The following BCAS1 variants were observed in gnomAD, a reference collection of about 807,000 sequenced individuals.
BCAS1 encodes brain enriched myelin associated protein 1, also known as breast carcinoma-amplified sequence 1.
In BCAS1, 46 loss-of-function variants were observed where a neutral mutation model predicts 65.4. That is an observed-to-expected ratio of 0.70 (90% CI 0.55 to 0.90). BCAS1 has a LOEUF of 0.90. Among genes scored for constraint, BCAS1 ranks in the 40% least tolerant of loss-of-function variants. The pLI is 0.00. For missense variants in BCAS1, 793 were observed against 771.2 expected, an observed-to-expected ratio of 1.03 and a Z score of -0.33; for synonymous variants, 298 against 293.5, an observed-to-expected ratio of 1.02 and a Z score of -0.16.
At chr20:54,065,372 G>A (rs750252446) in intron 1 of BCAS1, among the ~76,000 whole-genome samples, 17 of 152,160 alleles carry the variant, frequency 1.1e-4, no homozygotes, top group Admixed American at 5.2e-4. Flanking sequence ...CTCACAATAA[G>A]TGGAGCACAG....
At chr20:53,966,724 C>T (rs2090038983) in intron 10 of BCAS1, among the ~76,000 whole-genome samples, 182 bp downstream of exon 10, 1 of 152,190 alleles carries the variant, frequency 6.6e-6, no homozygotes, top group African/African-American at 2.4e-5. Context: ...TAAACTGAGA[C>T]TTTCTGTATG....
intron 4 of BCAS1, among the ~76,000 whole-genome samples, chr20:54,011,426 C>A (rs1010843317): frequency 2.6e-5 from 4 of 151,992 alleles, no homozygotes; most frequent in African/African-American, 9.7e-5. Flanking sequence ...AGAAAATGGG[C>A]AAAAGACGTG....
chr20:54,047,919 C>T (rs1414473959), intron 3 of BCAS1, among the ~76,000 whole-genome samples: 1 of 152,154 alleles, frequency 6.6e-6, no homozygotes, highest in Non-Finnish European at 1.5e-5. Context: ...AGGGAAGTTA[C>T]AAAGTTATTT....
Position 53,985,354 on chromosome 20 carries a change from G to A in BCAS1, c.1208C>T (p.Ala403Val), listed in dbSNP as rs145843325. ...HTQSVTTPEP[A>V]KEGTKEKSGP... ...TGATTTCTCCTTGGTGCCTTCCTTC[G>A]CAGGTTCAGGGGTTGTCACGGACTG... Residue 403 changes from alanine (A) to valine (V), a missense_variant, in exon 8 of 13, where the codon GCG becomes GTG. Coordinates refer to ENST00000688948, the MANE Select transcript of BCAS1 (RefSeq NM_001366298.2). 576 of 1,613,998 alleles carry A rather than the reference G, an allele frequency of 3.6e-4. 4 individuals are homozygous for A. The South Asian group carries it at 4.5e-3, about 13-fold the overall frequency.
chr20:54,062,180 C>T (rs1159322160), intron 1 of BCAS1, among the ~76,000 whole-genome samples: 1 of 152,114 alleles, frequency 6.6e-6, no homozygotes, highest in African/African-American at 2.4e-5. Flanking sequence ...TGGCTCTTTA[C>T]AGAAAGTTTA....
At chr20:54,018,494 G>A (rs1056914892) in intron 4 of BCAS1, among the ~76,000 whole-genome samples, 6 of 148,630 alleles carry the variant, frequency 4.0e-5, no homozygotes, top group Non-Finnish European at 7.4e-5. Context: ...CCGCCACCAC[G>A]CCTGGCTAAT....
chr20:54,015,838 C>G (rs900772042), intron 4 of BCAS1, among the ~76,000 whole-genome samples: 1 of 152,052 alleles, frequency 6.6e-6, no homozygotes, highest in African/African-American at 2.4e-5. Context: ...GAGGAGGAAT[C>G]GAGAAATTAC....
At chr20:54,016,042 T>C (rs2091430997) in intron 4 of BCAS1, among the ~76,000 whole-genome samples, 1 of 152,246 alleles carries the variant, frequency 6.6e-6, no homozygotes, top group South Asian at 2.1e-4. Flanking sequence ...GACAGAGCTA[T>C]GGCACAGGAA....
At position 53,944,659 on chromosome 20, in the gene BCAS1, C is replaced by A; in HGVS notation, c.*263G>T. On this transcript the variant is annotated 3_prime_UTR_variant, in exon 13 of 13. Transcript: ENST00000688948. ...CCGAACACATTCCTCTATTCCCTCCCTTTCCTGCTTGGTGATCATCGACTC... is the reference window on the plus strand; with the variant it reads ...CCGAACACATTCCTCTATTCCCTCCATTTCCTGCTTGGTGATCATCGACTC... 2.3e-6 allele frequency: 1 copy of A among 440,426 alleles called. No individual in the cohort carries two copies. 27.3% of individuals were successfully genotyped at this position (440,426 alleles called of 1,614,324 possible). A position where few individuals can be genotyped will look rare whatever the true frequency, so the allele number is the denominator to read the frequency against.
intron 4 of BCAS1, among the ~76,000 whole-genome samples, chr20:54,003,226 CAA>C (rs36065746): frequency 0.33 from 32,141 of 98,640 alleles, 3,050 homozygotes; most frequent in Middle Eastern, 0.5. Flanking sequence ...GCCAAACAGA[CAA>C]AAAAAAAAAA....
At chr20:53,948,028 A>G (rs1201912464) in intron 12 of BCAS1, among the ~76,000 whole-genome samples, 1 of 152,114 alleles carries the variant, frequency 6.6e-6, no homozygotes, top group Non-Finnish European at 1.5e-5. Flanking sequence ...AAGCTCACTC[A>G]GCCACTAGAT....
chr20:53,983,243 G>A (rs548952984), intron 8 of BCAS1, among the ~76,000 whole-genome samples: 1 of 152,288 alleles, frequency 6.6e-6, no homozygotes, highest in South Asian at 2.1e-4. Context: ...CGTCGGCCTG[G>A]TTAGTTCTTC....
intron 4 of BCAS1, among the ~76,000 whole-genome samples, chr20:54,020,968 A>G (rs1399420947): frequency 6.6e-6 from 1 of 152,234 alleles, no homozygotes; most frequent in Non-Finnish European, 1.5e-5. Flanking sequence ...AACTAATGTA[A>G]TGGATACACT....
At chr20:53,973,068 A>T (rs1644019452) in intron 9 of BCAS1, among the ~76,000 whole-genome samples, 2 of 152,180 alleles carry the variant, frequency 1.3e-5, no homozygotes, top group Admixed American at 1.3e-4. Flanking sequence ...TGTCTACTAA[A>T]AATACAAAAA....
intron 6 of BCAS1, among the ~76,000 whole-genome samples, chr20:53,994,111 A>T (rs2090838185): frequency 6.6e-6 from 1 of 152,202 alleles, no homozygotes; most frequent in Admixed American, 6.5e-5. Flanking sequence ...AAAATCTAGG[A>T]TCCTCTTTTC....
rs1449525120 is a variant in BCAS1, at chr20:54,058,628, G to A, written c.72+19C>T. The A allele has an allele frequency of 7.4e-7, 1 of 1,346,696 alleles. No individual in the cohort carries two copies. The highest frequency in any genetic ancestry group is 1.6e-5 in the African/African-American group (1 of 62,960). The allele number at this position is 1,346,696 out of a possible 1,614,324, so 83.4% of individuals were successfully genotyped here. On this transcript the variant is annotated intron_variant, in intron 2 of 12. Transcript: ENST00000688948. ...TTTTTTTTTTTCTGCTGATGCCCCT[G>A]TAATGGTTACTACACTACCTGGTAA...
Position 53,995,934 on chromosome 20 carries a change from T to C in BCAS1, c.840A>G (p.Ile280Met), listed in dbSNP as rs1195821886. The change falls in exon 5 of 13, where the codon ATA becomes ATG. Residue 280 changes from isoleucine (I) to methionine (M), a missense_variant. Transcript: ENST00000688948. ...TAKDDSQAAA[I>M]AENNNSIMSF... ...TCATGATGGAATTATTATTCTCTGC[T>C]ATAGCTGCTGCCTGGGAATCGTCCT... 7.4e-6 allele frequency: 12 copies of C among 1,613,690 alleles called. No individual in the cohort carries two copies. Among genetic ancestry groups the C allele is most frequent in the Non-Finnish European group, 9.3e-6 (11 of 1,179,824 alleles).
intron 10 of BCAS1, among the ~76,000 whole-genome samples, chr20:53,965,558 AAT>A (rs1306146585): frequency 1.3e-5 from 2 of 152,228 alleles, no homozygotes; most frequent in Non-Finnish European, 2.9e-5. Context: ...ATAAACAGTA[AAT>A]ATATCTATCA....
At chr20:53,997,971 C>T (rs1293591304) in intron 4 of BCAS1, among the ~76,000 whole-genome samples, 4 of 152,164 alleles carry the variant, frequency 2.6e-5, no homozygotes, top group African/African-American at 7.2e-5. Context: ...CATCTCCCTG[C>T]CCCCATGCTG....
Sources: gnomAD v4.1 joint callset for allele counts (sites outside exome capture counted in the v4.1 genomes callset) on GRCh38, gnomAD v4.1.1 for gene constraint, MANE v1.5 for transcripts, NCBI Gene and HGNC (gene_info 2026-07-23, HGNC 2026-07-21) for gene names.